Variants in LRBA observed in about 807,000 individuals in gnomAD.
LRBA encodes lipopolysaccharide-responsive and beige-like anchor protein.
A neutral mutation model predicts 330.0 loss-of-function variants in LRBA; 176 were observed. The ratio of observed to expected loss-of-function variants is 0.53; its 90% CI spans 0.47 to 0.60. LRBA has a LOEUF of 0.60. Among genes scored for constraint, LRBA ranks in the 20% least tolerant of loss-of-function variants. The pLI is 0.00. For synonymous variants in LRBA, 1,230 were observed against 1,193.0 expected (o/e 1.03, Z -0.64); for missense variants, 3,259 against 3,444.8 (o/e 0.95, Z 1.35).
intron 47 of LRBA, among the ~76,000 whole-genome samples, chr4:150,390,303 G>C (rs970029040): frequency 6.6e-6 from 1 of 152,136 alleles, no homozygotes; most frequent in Non-Finnish European, 1.5e-5. Flanking sequence ...CCAAACCACA[G>C]AATGTGCTTT....
chr4:150,597,642 G>C (rs900007722), intron 38 of LRBA, among the ~76,000 whole-genome samples: 5 of 151,406 alleles, frequency 3.3e-5, no homozygotes, highest in Non-Finnish European at 7.4e-5. Context: ...AATACATTTT[G>C]TTAAAAATTG....
At chr4:150,835,215 G>A (rs1012478268) in intron 28 of LRBA, among the ~76,000 whole-genome samples, 1 of 152,126 alleles carries the variant, frequency 6.6e-6, no homozygotes, top group Non-Finnish European at 1.5e-5. Context: ...TAGCCTTATA[G>A]TATAGCTTGA....
intron 40 of LRBA, among the ~76,000 whole-genome samples, chr4:150,529,809 T>C (rs571801512): frequency 1.4e-4 from 21 of 152,288 alleles, no homozygotes; most frequent in African/African-American, 4.6e-4. Context: ...CTTTTTCTTA[T>C]GGAAAATTCG....
intron 40 of LRBA, among the ~76,000 whole-genome samples, chr4:150,540,646 T>C (rs1374524727): frequency 1.3e-5 from 2 of 152,220 alleles, no homozygotes; most frequent in Admixed American, 6.5e-5. Flanking sequence ...TAGCAACTTA[T>C]ACTTTCTTAA....
At chr4:150,592,139 C>G (rs1432960830) in intron 38 of LRBA, among the ~76,000 whole-genome samples, 1 of 98,144 alleles carries the variant, frequency 1.0e-5, no homozygotes, top group Non-Finnish European at 1.9e-5. Context: ...AATCGGATGG[C>G]TAGGGTTTTT....
chr4:150,822,621 G>T (rs971103458), intron 30 of LRBA, among the ~76,000 whole-genome samples: 7 of 151,988 alleles, frequency 4.6e-5, no homozygotes, highest in African/African-American at 1.7e-4. Flanking sequence ...TTTTTAAATA[G>T]CTGGACATGT....
At chr4:150,808,291 CA>C (rs1560847390) in intron 32 of LRBA, 28 bp downstream of exon 32, 1 of 1,449,394 alleles carries the variant, frequency 6.9e-7, no homozygotes. Context: ...AGGTATAAAT[CA>C]CAATATTCAA....
At chr4:150,922,102 C>T (rs1561009852) in intron 4 of LRBA, among the ~76,000 whole-genome samples, 1 of 151,996 alleles carries the variant, frequency 6.6e-6, no homozygotes, top group African/African-American at 2.4e-5. Context: ...TTCAAGTGAT[C>T]CACCTGCCTC....
intron 40 of LRBA, among the ~76,000 whole-genome samples, chr4:150,559,815 A>AT (rs1197489975): frequency 1.0e-3 from 72 of 70,560 alleles, no homozygotes; most frequent in Middle Eastern, 7.5e-3. Context: ...TATATATAAT[A>AT]ATATATAATA....
intron 47 of LRBA, among the ~76,000 whole-genome samples, chr4:150,358,985 T>C (rs571638778): frequency 2.0e-5 from 3 of 152,256 alleles, no homozygotes; most frequent in Admixed American, 1.3e-4. Flanking sequence ...GCCATAAACT[T>C]ATACTGGCAA....
intron 55 of LRBA, among the ~76,000 whole-genome samples, chr4:150,278,370 A>C (rs1747083736): frequency 6.6e-6 from 1 of 152,190 alleles, no homozygotes; most frequent in Admixed American, 6.5e-5. Context: ...TTTTGTCCCA[A>C]GACTTGGCAG....
At chr4:150,492,267 G>A (rs1201991758) in intron 40 of LRBA, among the ~76,000 whole-genome samples, 1 of 151,212 alleles carries the variant, frequency 6.6e-6, no homozygotes, top group African/African-American at 2.4e-5. Flanking sequence ...TGACACCACA[G>A]AATCTAGAAA....
chr4:150,811,445 G>GGT (rs1743713848), intron 31 of LRBA, among the ~76,000 whole-genome samples: 1 of 151,052 alleles, frequency 6.6e-6, no homozygotes, highest in Non-Finnish European at 1.5e-5. Context: ...AAAAAAGGGG[G>GGT]TGTGCATGAG....
intron 22 of LRBA, among the ~76,000 whole-genome samples, chr4:150,855,703 G>A (rs376072929): frequency 2.0e-5 from 3 of 152,020 alleles, no homozygotes; most frequent in African/African-American, 4.8e-5. Context: ...TATTTCTATC[G>A]TTCACTGTTT....
Position 150,274,701 on chromosome 4 carries a change from T to C in LRBA, c.8468+3152A>G, listed in dbSNP as rs140807791. On this transcript the variant is annotated intron_variant, in intron 56 of 56. Transcript: ENST00000651943. ...AATAAACTAGAAAATCTAGAAGAAA[T>C]GGATACATTCTTGGGCACATACACC... Among the ~76,000 whole-genome samples the C allele has an allele frequency of 5.2e-3, 791 of 152,152 alleles. 19 individuals are homozygous for C. Among genetic ancestry groups the C allele is most frequent in the Admixed American group, 0.041 (628 of 15,276 alleles).
intron 47 of LRBA, among the ~76,000 whole-genome samples, chr4:150,379,902 C>T (rs1015834908): frequency 2.6e-5 from 4 of 151,592 alleles, no homozygotes; most frequent in African/African-American, 9.7e-5. Flanking sequence ...ATGGCTCATG[C>T]CTGTAATCCC....
chr4:150,862,092 C>G (rs1350596541), intron 22 of LRBA, among the ~76,000 whole-genome samples: 3 of 152,124 alleles, frequency 2.0e-5, no homozygotes, highest in East Asian at 1.9e-4. Flanking sequence ...GGACTGTAAA[C>G]TAGTTCAACC....
chr4:150,604,708 G>A (rs563545126), intron 37 of LRBA, among the ~76,000 whole-genome samples: 1 of 152,224 alleles, frequency 6.6e-6, no homozygotes, highest in East Asian at 1.9e-4. Flanking sequence ...CAAAATTTTT[G>A]TAAATAACAT....
At chr4:150,780,735 T>C (rs1738099047) in intron 34 of LRBA, among the ~76,000 whole-genome samples, 2 of 117,678 alleles carry the variant, frequency 1.7e-5, no homozygotes, top group African/African-American at 6.2e-5. Flanking sequence ...ATAAACATCA[T>C]GATATAAGCC....
Sources: gnomAD v4.1 joint callset for allele counts (sites outside exome capture counted in the v4.1 genomes callset) on GRCh38, gnomAD v4.1.1 for gene constraint, MANE v1.5 for transcripts, NCBI Gene and HGNC (gene_info 2026-07-23, HGNC 2026-07-21) for gene names.